CEP250: variants seen among roughly 807,000 people sequenced by gnomAD.
The protein encoded by CEP250 is centrosomal protein 250.
Under a neutral mutation model 315.7 loss-of-function variants are expected in CEP250, and 242 were observed. The observed-to-expected ratio is 0.77, with a 90% CI of 0.69 to 0.85. CEP250 has a LOEUF of 0.85. Ranked by LOEUF, CEP250 falls within the 40% of genes least tolerant of loss-of-function variation. The pLI, the probability that CEP250 is intolerant of heterozygous loss-of-function variation, is 0.00. For missense variants in CEP250, 2,515 were observed against 2,886.4 expected (o/e 0.87, Z 2.95); for synonymous variants, 1,088 against 1,175.0 (o/e 0.93, Z 1.51).
rs34983410 is a variant in CEP250 at position 35,513,258 on chromosome 20, CTT to C, written c.*1644_*1645del. ...CTTTTAGGCCATTTATTTCTTTTTC[CTT>C]TTTTTTTTTTTGAGACAGAGTTTTG... On this transcript the variant is annotated 3_prime_UTR_variant, in exon 35 of 35. Coordinates refer to ENST00000397527, the MANE Select transcript of CEP250 (RefSeq NM_007186.6). The C allele has an allele frequency of 1.4e-4, 20 of 144,372 alleles. No homozygotes were observed. The highest frequency in any genetic ancestry group is 3.5e-4 in the Admixed American group (5 of 14,418). 8.9% of individuals were successfully genotyped at this position (144,372 alleles called of 1,614,324 possible). A position where few individuals can be genotyped will look rare whatever the true frequency, so the allele number is the denominator to read the frequency against.
intron 9 of CEP250, among the ~76,000 whole-genome samples, chr20:35,468,026 C>G (rs2062933950): frequency 6.7e-6 from 1 of 148,658 alleles, no homozygotes; most frequent in African/African-American, 2.5e-5. Flanking sequence ...CCTACTGCAA[C>G]CTCTGCCTCC....
chr20:35,471,813 G>T (rs991546005), intron 10 of CEP250, among the ~76,000 whole-genome samples: 11 of 152,224 alleles, frequency 7.2e-5, no homozygotes, highest in African/African-American at 2.7e-4. Context: ...AAGTGATAGA[G>T]CAGGAATTCT....
chr20:35,457,115 G>C (rs2062648094), intron 1 of CEP250, among the ~76,000 whole-genome samples: 1 of 152,068 alleles, frequency 6.6e-6, no homozygotes, highest in Non-Finnish European at 1.5e-5. Flanking sequence ...TAATAGAGCT[G>C]TTAGCATTTT....
intron 9 of CEP250, among the ~76,000 whole-genome samples, chr20:35,469,396 A>G (rs1445613149): frequency 6.6e-6 from 1 of 152,198 alleles, no homozygotes; most frequent in Non-Finnish European, 1.5e-5. Context: ...GCTCTAAGAT[A>G]TAGTGTTAAG....
Position 35,462,433 on chromosome 20 carries a change from G to A in CEP250, c.66G>A (p.Glu22=), listed in dbSNP as rs1454175973. 2 of 1,603,312 alleles carry A rather than the reference G, an allele frequency of 1.2e-6. No homozygotes were observed. The highest frequency in any genetic ancestry group is 1.7e-5 in the Admixed American group (1 of 58,388). The change falls in exon 4 of 35, where the codon GAG becomes GAA. Residue 22 remains glutamate (E), a synonymous_variant. Transcript: ENST00000397527. ...AGTCACTGCAGCTGGTACTGGAAGA[G>A]CAGGTGCTGGCACTACAGCAGCAGA... The part of the protein sequence containing the change: ...KPQSLQLVLE[E]QVLALQQQMA...
intron 26 of CEP250, 38 bp from the exon 27 acceptor site, chr20:35,498,557 G>A: frequency 1.2e-6 from 2 of 1,601,508 alleles, no homozygotes; most frequent in South Asian, 2.3e-5. Context: ...TCTTTTCATA[G>A]TGGCAGCCAG....
chr20:35,473,131 C>CT (rs2063066372), intron 12 of CEP250, among the ~76,000 whole-genome samples: 1 of 152,136 alleles, frequency 6.6e-6, no homozygotes. Flanking sequence ...CTCTGAGAGT[C>CT]TTAGGCACAC....
intron 33 of CEP250, 118 bp from the exon 34 acceptor site, chr20:35,509,880 T>C: frequency 1.1e-6 from 1 of 894,090 alleles, no homozygotes; most frequent in Non-Finnish European, 1.9e-6. Flanking sequence ...TTCAGATGCT[T>C]CTGGCCCATA....
Position 35,472,797 on chromosome 20 carries a change from G to T in CEP250, c.1175G>T (p.Arg392Leu), listed in dbSNP as rs200471436. ...QDADKALTLV[R>L]SVLTRRRQAV... ...GCAGACAAGGCTCTTACTCTGGTGC[G>T]TTCAGTGCTGACTCGGAGACGCCAG... Residue 392 changes from arginine to leucine, a missense_variant, in exon 12 of 35, where the codon CGT (arginine) becomes CTT (leucine). Transcript: ENST00000397527. 1.6e-5 allele frequency: 26 copies of T among 1,614,026 alleles called. No homozygotes were observed. The highest frequency in any genetic ancestry group is 3.3e-5 in the Admixed American group (2 of 59,998).
intron 20 of CEP250, among the ~76,000 whole-genome samples, chr20:35,484,295 T>C (rs80297365): frequency 0.016 from 2,485 of 152,294 alleles, 66 homozygotes; most frequent in African/African-American, 0.057. Flanking sequence ...TTTGTGCTTC[T>C]GTCAGGAAGC....
At chr20:35,495,107 G>T (rs2063800323) in intron 24 of CEP250, among the ~76,000 whole-genome samples, 2 of 152,226 alleles carry the variant, frequency 1.3e-5, no homozygotes, top group South Asian at 4.1e-4. Flanking sequence ...ATGTAAAAGG[G>T]TGAGGGGGAG....
At chr20:35,459,199 A>G (rs1410811756) in intron 2 of CEP250, among the ~76,000 whole-genome samples, 1 of 150,428 alleles carries the variant, frequency 6.6e-6, no homozygotes, top group Non-Finnish European at 1.5e-5. Context: ...CTTTATCTCT[A>G]CAAGCCTCAG....
At chr20:35,507,240 T>TC (rs1203516371) in intron 30 of CEP250, among the ~76,000 whole-genome samples, 1 of 152,196 alleles carries the variant, frequency 6.6e-6, no homozygotes, top group African/African-American at 2.4e-5. Context: ...GCATGAGGCT[T>TC]CCCCATTTAT....
In CEP250 at chr20:35,510,140, C is replaced by G. The variant is rs76529782; in HGVS notation, c.7065+86C>G. 6,174 of 1,290,070 alleles carry G rather than the reference C, an allele frequency of 4.8e-3. 238 individuals are homozygous for G. In the African/African-American group the frequency reaches 0.077, roughly 16 times the overall value. The allele number at this position is 1,290,070 out of a possible 1,614,324, so 79.9% of individuals were successfully genotyped here. On this transcript the variant is annotated intron_variant, in intron 34 of 34. Transcript: ENST00000397527. ...TCCAGCAGGGAGAGGGGAAGTTCCT[C>G]CCTTCAGAGAACTTCAGTCTCCATG...
In CEP250 at chr20:35,504,817, C is replaced by T. The variant is rs147676735; in HGVS notation, c.6448C>T (p.Arg2150Trp). 9 of 1,613,180 alleles carry T rather than the reference C, an allele frequency of 5.6e-6. No individual in the cohort carries two copies. The highest frequency in any genetic ancestry group is 4.0e-5 in the African/African-American group (3 of 74,918). Residue 2150 changes from arginine to tryptophan, a missense_variant, in exon 30 of 35, where the codon CGG becomes TGG. Coordinates refer to ENST00000397527, the MANE Select transcript of CEP250 (RefSeq NM_007186.6). ...KLDSLEPRLQ[R>W]ELERLQAALR... ...TGATTCTTTAGAGCCCAGGCTGCAG[C>T]GGGAGCTGGAGCGGCTACAGGCAGC... is the stretch of plus-strand genomic sequence containing the variant.
chr20:35,494,623 C>T lies in CEP250; in HGVS notation c.3133C>T (p.Arg1045Ter), dbSNP rs775811770. 1.9e-6 allele frequency: 3 copies of T among 1,614,000 alleles called. No individual in the cohort carries two copies. Among genetic ancestry groups the T allele is most frequent in the Non-Finnish European group, 2.5e-6 (3 of 1,179,984 alleles). The change falls in exon 24 of 35, where the codon CGA becomes TGA. Residue 1045 changes from arginine (R) to a stop codon, truncating the protein, a stop_gained. Transcript: ENST00000397527. LOFTEE classifies it high-confidence loss of function. ...GCTGAGAGAGACCCAGGAGTATAAC[C>T]GAATTCAGAAGGAGCTGGAGAGAGA... ...EKLRETQEYN[R>*]IQKELEREKA...
intron 17 of CEP250, among the ~76,000 whole-genome samples, chr20:35,478,521 C>T (rs224366): frequency 0.63 from 95,303 of 152,048 alleles, 32,325 homozygotes; most frequent in Non-Finnish European, 0.76. Flanking sequence ...GCCGAGATTG[C>T]GCCACTGCAC....
intron 33 of CEP250, 22 bp from the exon 34 acceptor site, chr20:35,509,976 G>A: frequency 2.5e-6 from 4 of 1,612,650 alleles, no homozygotes; most frequent in Non-Finnish European, 3.4e-6. Context: ...ATGCCAACAA[G>A]AGTGCTGTTT....
rs543175160 is a variant in CEP250, at chr20:35,457,799, A to AAAAAC, written c.-297-493_-297-489dup. ...GGGTAACAGAGCCAGATCCTGTCTCAAAAACAAAACAAAACACTGGATGAG... is the reference window on the plus strand; with the variant it reads ...GGGTAACAGAGCCAGATCCTGTCTCAAAAACAAAACAAAACAAAACACTGGATGAG... On this transcript the variant is annotated intron_variant, in intron 1 of 34. Coordinates refer to ENST00000397527, the MANE Select transcript of CEP250 (RefSeq NM_007186.6). Among the ~76,000 whole-genome samples the AAAAAC allele has an allele frequency of 1.6e-3, 242 of 152,264 alleles. 1 individual carries two copies. The highest frequency in any genetic ancestry group is 5.4e-3 in the African/African-American group (226 of 41,546).
Sources: allele counts gnomAD v4.1 joint callset (sites outside exome capture counted in the v4.1 genomes callset), GRCh38; gene constraint gnomAD v4.1.1; transcripts MANE v1.5; gene names NCBI Gene and HGNC (gene_info 2026-07-23, HGNC 2026-07-21).